Variants in ABCA2 observed in about 807,000 individuals in gnomAD.
ABCA2 encodes ATP binding cassette subfamily A member 2.
In ABCA2, 84 loss-of-function variants were observed where a neutral mutation model predicts 262.8. That is an observed-to-expected ratio of 0.32 (90% CI 0.27 to 0.38). The LOEUF (loss-of-function observed/expected upper bound fraction) is 0.38, where lower values mean the gene tolerates loss of function less well. Ranked by LOEUF, ABCA2 falls within the 10% of genes least tolerant of loss-of-function variation. ABCA2 has a pLI of 1.00. For synonymous variants in ABCA2, 1,696 were observed against 1,502.9 expected (o/e 1.13, Z -2.97); for missense variants, 2,662 against 3,405.9 (o/e 0.78, Z 5.44).
intron 40 of ABCA2, 48 bp downstream of exon 40, chr9:137,010,572 G>A (rs1564212583): frequency 6.6e-7 from 1 of 1,504,720 alleles, no homozygotes; most frequent in East Asian, 2.3e-5. Flanking sequence ...CACCCCCCTG[G>A]CCCTGGCCTA....
intron 28 of ABCA2, 56 bp from the exon 29 acceptor site, chr9:137,013,619 C>A: frequency 6.6e-7 from 1 of 1,518,776 alleles, no homozygotes; most frequent in Non-Finnish European, 9.0e-7. Context: ...CAGCGGCCCC[C>A]AAGCCTCGGT....
chr9:137,027,277 C>T (rs889454411), intron 1 of ABCA2, among the ~76,000 whole-genome samples: 1 of 152,370 alleles, frequency 6.6e-6, no homozygotes, highest in Admixed American at 6.5e-5. Flanking sequence ...CCAAGCCCCT[C>T]GCTCCACGAA....
In ABCA2 at chr9:137,018,884, C is replaced by A; in HGVS notation, c.1722+19G>T. On this transcript the variant is annotated intron_variant, in intron 12 of 48. Coordinates refer to ENST00000341511, the MANE Select transcript of ABCA2 (RefSeq NM_001606.5). ...AGGCAGGGGGTGTCGTGGGTTGGCT[C>A]GGAGGCCCCACCGCTCACCTTGGAC... The A allele has an allele frequency of 6.2e-7, 1 of 1,611,944 alleles. No homozygotes were observed. The highest frequency in any genetic ancestry group is 1.7e-5 in the Admixed American group (1 of 59,976).
At chr9:137,025,974 C>T (rs796290835) in intron 1 of ABCA2, among the ~76,000 whole-genome samples, 29 of 152,212 alleles carry the variant, frequency 1.9e-4, no homozygotes, top group South Asian at 4.1e-4. Flanking sequence ...CAGCCCAGTG[C>T]CTTCACATCG....
chr9:137,010,857 C>G (rs1191130938), intron 39 of ABCA2, 116 bp downstream of exon 39: 3 of 1,362,974 alleles, frequency 2.2e-6, no homozygotes, highest in Non-Finnish European at 3.0e-6. Context: ...CTCTGCTGTC[C>G]CCTGCCTCAC....
Position 137,015,068 on chromosome 9 carries a change from G to T in ABCA2, c.3727C>A (p.Arg1243=). 6.2e-7 allele frequency: 1 copy of T among 1,600,038 alleles called. No individual in the cohort carries two copies. The highest frequency in any genetic ancestry group is 8.5e-7 in the Non-Finnish European group (1 of 1,173,718). ...EPGLASSPPG[R]APLSSCSELQ... The stretch of plus-strand genomic sequence containing the variant: ...TCGGAGCAGCTGCTCAGCGGGGCCC[G>T]ACCTGGGGGGCTGGATGCCAGCCCT... Residue 1243 remains arginine, a synonymous_variant, in exon 25 of 49, where the codon CGG becomes AGG. Transcript: ENST00000341511.
intron 48 of ABCA2, 167 bp downstream of exon 48, chr9:137,008,249 T>C (rs1354510175): frequency 1.1e-6 from 1 of 875,262 alleles, no homozygotes; most frequent in Non-Finnish European, 1.8e-6. Context: ...CAGTTACGTC[T>C]CTCCAGGCCT....
At chr9:137,014,589 A>G (rs1198248461) in intron 26 of ABCA2, 101 bp downstream of exon 26, 2 of 1,508,208 alleles carry the variant, frequency 1.3e-6, no homozygotes. Flanking sequence ...TCCACCCAGG[A>G]CCAGGGTGGC....
rs766134667 is a variant in ABCA2, at chr9:137,013,950, C to T, written c.4329G>A (p.Leu1443=). ...GWLKVRQFHG[L]LVKRFHCARR... is the part of the protein sequence containing the mutation. ...GGGCGCAGTGGAAGCGTTTGACCAG[C>T]AGCCCGTGGAACTGGCGCACCTTCA... The change falls in exon 28 of 49, where the codon CTG becomes CTA. Residue 1443 remains leucine, a synonymous_variant. Coordinates refer to ENST00000341511, the MANE Select transcript of ABCA2 (RefSeq NM_001606.5). 12 of 1,612,084 alleles carry T rather than the reference C, an allele frequency of 7.4e-6. No individual in the cohort carries two copies. The African/African-American group carries it at 1.6e-4, about 22-fold the overall frequency.
chr9:137,007,741 G>T lies in ABCA2; in HGVS notation c.*188C>A. 1 of 767,556 alleles carries T rather than the reference G, an allele frequency of 1.3e-6. No homozygotes were observed. The allele number at this position is 767,556 out of a possible 1,614,324, so 47.5% of individuals were successfully genotyped here. A position where few individuals can be genotyped will look rare whatever the true frequency, so the allele number is the denominator to read the frequency against. ...GCCGGGTCAGCCTTTGGCACAATTA[G>T]GGGCGGCAACCGCAGTGACCACAGG... On this transcript the variant is annotated 3_prime_UTR_variant, in exon 49 of 49. Coordinates refer to ENST00000341511, the MANE Select transcript of ABCA2 (RefSeq NM_001606.5).
At chr9:137,020,099 G>T in intron 10 of ABCA2, 1 of 575,798 alleles carries the variant, frequency 1.7e-6, no homozygotes, top group Non-Finnish European at 3.1e-6. Context: ...GCCACCCCCA[G>T]CCGGAGGACC....
intron 45 of ABCA2, 48 bp from the exon 46 acceptor site, chr9:137,009,101 GCCCCAGCC>G: frequency 6.4e-7 from 1 of 1,564,568 alleles, no homozygotes; most frequent in Non-Finnish European, 8.7e-7. Flanking sequence ...CCCAGCCAGA[GCCCCAGCC>G]CCCCAGCCTC....
intron 6 of ABCA2, 123 bp downstream of exon 6, chr9:137,022,228 G>T: frequency 1.0e-5 from 14 of 1,337,258 alleles, no homozygotes; most frequent in Admixed American, 2.8e-5. Context: ...CTCAGATGGT[G>T]GGGGCAAGGT....
chr9:137,016,230 CCTGACTAGGA>C, intron 21 of ABCA2, 51 bp downstream of exon 21: 1 of 1,610,456 alleles, frequency 6.2e-7, no homozygotes, highest in Non-Finnish European at 8.5e-7. Flanking sequence ...CCCACCCTGC[CCTGACTAGGA>C]CTCCTGCTCT....
chr9:137,014,874 A>G (rs769045955), intron 25 of ABCA2, 39 bp downstream of exon 25: 3 of 1,576,206 alleles, frequency 1.9e-6, no homozygotes, highest in African/African-American at 2.7e-5. Flanking sequence ...GCCCACCTCC[A>G]CCACCTGCAA....
chr9:137,020,101 C>T (rs1403632193), intron 10 of ABCA2: 25 of 580,440 alleles, frequency 4.3e-5, no homozygotes, highest in East Asian at 3.3e-4. Flanking sequence ...CACCCCCAGC[C>T]GGAGGACCCT....
Position 137,021,555 on chromosome 9 carries a change from C to A in ABCA2, c.734G>T (p.Gly245Val), listed in dbSNP as rs1486244344. The A allele has an allele frequency of 1.3e-6, 2 of 1,584,940 alleles. No individual in the cohort carries two copies. Among genetic ancestry groups the A allele is most frequent in the Non-Finnish European group, 1.7e-6 (2 of 1,166,628 alleles). Reference protein sequence around the residue: ...LEQLTCTPGSGELGRILTVPE... With the variant: ...LEQLTCTPGSVELGRILTVPE... Reference sequence around the variant, plus strand: ...CACAGTGAGGATCCGGCCCAGCTCCCCCGAGCCCGGCGTGCAGGTGAGCTG... The same window carrying A: ...CACAGTGAGGATCCGGCCCAGCTCCACCGAGCCCGGCGTGCAGGTGAGCTG... Residue 245 changes from glycine to valine, a missense_variant, in exon 8 of 49, where the codon GGG becomes GTG. By Grantham distance (109) the Gly-to-Val change is moderately radical. This residue lies in a region of ABCA2 where 403 missense variants were observed against 375.9 expected (regional missense o/e 1.07). Transcript: ENST00000341511. This position sits in a 1 kb window ranked among gnomAD's most constrained non-coding sequence, Gnocchi z 6.0.
At position 137,020,441 on chromosome 9, in the gene ABCA2, C is replaced by T. The variant is rs56164699; in HGVS notation, c.1320G>A (p.Thr440=). The change falls in exon 10 of 49, where the codon ACG becomes ACA. Residue 440 remains threonine, a synonymous_variant. Coordinates refer to ENST00000341511, the MANE Select transcript of ABCA2 (RefSeq NM_001606.5). ...GGCCCAGGTTCCGCTGCTCCTTGCT[C>T]GTGAAGCCCAGGGAGCTCATGTTGC... ...RRGNMSSLGF[T]SKEQRNLGLL... 5.4e-3 allele frequency: 8,754 copies of T among 1,611,724 alleles called. 33 individuals carry two copies. Among genetic ancestry groups the T allele is most frequent in the Admixed American group, 8.6e-3 (517 of 59,958 alleles).
chr9:137,009,188 C>T (rs1830942374), intron 45 of ABCA2, 135 bp from the exon 46 acceptor site: 2 of 996,112 alleles, frequency 2.0e-6, no homozygotes, highest in South Asian at 1.5e-5. Context: ...AACCCCACAG[C>T]CCCCACAGCC....
Sources: gnomAD v4.1 joint callset for allele counts (sites outside exome capture counted in the v4.1 genomes callset) on GRCh38, gnomAD v4.1.1 for gene constraint, gnomAD v4.1.1 regional missense constraint, Gnocchi (gnomAD v3.1) non-coding constraint, MANE v1.5 for transcripts, NCBI Gene and HGNC (gene_info 2026-07-23, HGNC 2026-07-21) for gene names.